TESMIN: variants seen among roughly 807,000 people sequenced by gnomAD.
TESMIN encodes the protein testis expressed metallothionein like protein, also known as CXC domain containing 2.
TESMIN carries 34 observed loss-of-function variants against 47.4 expected under a neutral mutation model. The observed-to-expected ratio is 0.72, with a 90% CI of 0.55 to 0.96. The LOEUF (loss-of-function observed/expected upper bound fraction) is 0.96, where lower values mean the gene tolerates loss of function less well. TESMIN is among the 40% of genes least tolerant of loss of function. The probability of loss-of-function intolerance (pLI) is 0.00; values close to 1 mark genes in which losing one functional copy is unlikely to be tolerated. For missense variants in TESMIN, 610 were observed against 637.2 expected, an observed-to-expected ratio of 0.96 and a Z score of 0.46; for synonymous variants, 278 against 258.9, an observed-to-expected ratio of 1.07 and a Z score of -0.71.
chr11:68,705,751 G>A (rs1271488091), downstream of TESMIN, among the ~76,000 whole-genome samples: 3 of 152,162 alleles, frequency 2.0e-5, no homozygotes, highest in Admixed American at 6.5e-5. Flanking sequence ...GGCTGGGCGC[G>A]GTGGCTCACG....
chr11:68,718,975 G>A (rs556591570), intron 6 of TESMIN, among the ~76,000 whole-genome samples: 43 of 152,362 alleles, frequency 2.8e-4, no homozygotes, highest in Non-Finnish European at 5.0e-4. Flanking sequence ...GAAGCTACTG[G>A]AGAAGGCACT....
chr11:68,725,160 T>C lies in TESMIN; in HGVS notation c.918-9221A>G, dbSNP rs376757296. On this transcript the variant is annotated intron_variant, in intron 6 of 9. Transcript: ENST00000255087. Reference sequence around the variant, plus strand: ...GATTGAGAACCCCAAATCAGACCCATGTGTAATCAAACCCTGAGAGCTGAC... The same window carrying C: ...GATTGAGAACCCCAAATCAGACCCACGTGTAATCAAACCCTGAGAGCTGAC... Among the ~76,000 whole-genome samples, 6 of 152,322 alleles carry C rather than the reference T, an allele frequency of 3.9e-5. No homozygotes were observed. The East Asian group carries it at 9.6e-4, about 24-fold the overall frequency.
At chr11:68,739,324 T>G (rs1037827997) in intron 5 of TESMIN, among the ~76,000 whole-genome samples, 1 of 152,232 alleles carries the variant, frequency 6.6e-6, no homozygotes, top group Non-Finnish European at 1.5e-5. Context: ...TCATCTTTCT[T>G]TATGTTACTC....
chr11:68,751,016 C>G (rs1456103089), intron 1 of TESMIN, among the ~76,000 whole-genome samples: 1 of 45,504 alleles, frequency 2.2e-5, no homozygotes, highest in Non-Finnish European at 4.0e-5. Flanking sequence ...AGGGGAGGGG[C>G]GGCCGGGGAG....
chr11:68,716,046 A>C, intron 6 of TESMIN, 107 bp from the exon 7 acceptor site: 3 of 693,960 alleles, frequency 4.3e-6, no homozygotes, highest in Non-Finnish European at 7.6e-6. Context: ...CTGCAGTCAG[A>C]ACACTGAACA....
At chr11:68,730,221 T>C (rs1296865725) in intron 6 of TESMIN, among the ~76,000 whole-genome samples, 2 of 152,230 alleles carry the variant, frequency 1.3e-5, no homozygotes, top group Non-Finnish European at 2.9e-5. Context: ...TCTACATGCA[T>C]TAGGAAACCA....
At chr11:68,739,350 G>A (rs374920643) in intron 5 of TESMIN, among the ~76,000 whole-genome samples, 2 of 152,222 alleles carry the variant, frequency 1.3e-5, no homozygotes, top group East Asian at 3.9e-4. Flanking sequence ...CATGGCCTGT[G>A]GAGGCTGTTC....
chr11:68,725,930 CA>C (rs1407556202), intron 6 of TESMIN, among the ~76,000 whole-genome samples: 2 of 152,162 alleles, frequency 1.3e-5, no homozygotes, highest in Non-Finnish European at 2.9e-5. Context: ...GGGCAAAATT[CA>C]GAGGGCCAAG....
chr11:68,750,048 G>T, intron 2 of TESMIN, 142 bp downstream of exon 2: 1 of 651,356 alleles, frequency 1.5e-6, no homozygotes, highest in Non-Finnish European at 2.4e-6. Context: ...GCTCTACCGA[G>T]AATCAGTGAC....
chr11:68,732,668 C>G (rs1946342672), intron 6 of TESMIN: 1 of 152,750 alleles, frequency 6.5e-6, no homozygotes. Flanking sequence ...TTTAGCTTCC[C>G]CATCAGTCAT....
At chr11:68,729,578 A>T (rs1946304676) in intron 6 of TESMIN, among the ~76,000 whole-genome samples, 1 of 152,162 alleles carries the variant, frequency 6.6e-6, no homozygotes, top group African/African-American at 2.4e-5. Context: ...GTGGGGTTCA[A>T]GACTTCAGTG....
chr11:68,737,334 G>A (rs1314753094), intron 6 of TESMIN: 31 of 985,430 alleles, frequency 3.1e-5, no homozygotes, highest in Non-Finnish European at 3.6e-5. Flanking sequence ...ACAGCTGAAA[G>A]AGCCACTGCA....
chr11:68,711,084 G>T, intron 8 of TESMIN, 35 bp from the exon 9 acceptor site: 1 of 1,520,468 alleles, frequency 6.6e-7, no homozygotes. Context: ...AAATTAGGTT[G>T]TCTCACAAGT....
chr11:68,721,341 C>T (rs115229964), intron 6 of TESMIN, among the ~76,000 whole-genome samples: 356 of 152,274 alleles, frequency 2.3e-3, no homozygotes, highest in African/African-American at 8.1e-3. Flanking sequence ...TAGCATCCAC[C>T]TTCAATCTAC....
chr11:68,744,366 C>A (rs1309558139), intron 4 of TESMIN, among the ~76,000 whole-genome samples: 1 of 152,208 alleles, frequency 6.6e-6, no homozygotes, highest in Non-Finnish European at 1.5e-5. Flanking sequence ...TTGTTAAACA[C>A]AATCCTAAAA....
chr11:68,706,891 C>T (rs191064897), downstream of TESMIN, among the ~76,000 whole-genome samples: 5 of 152,310 alleles, frequency 3.3e-5, no homozygotes, highest in East Asian at 9.7e-4. Context: ...GGCAGCCCCC[C>T]CAGAGGCAGC....
rs1946018216 is a variant in TESMIN at position 68,708,142 on chromosome 11, A to G, written c.*166T>C. 1 of 637,940 alleles carries G rather than the reference A, an allele frequency of 1.6e-6. No homozygotes were observed. Among genetic ancestry groups the G allele is most frequent in the Non-Finnish European group, 2.7e-6 (1 of 371,226 alleles). 39.5% of individuals were successfully genotyped at this position (637,940 alleles called of 1,614,324 possible). ...CATGCACCTCCTCAGAAAAGGGGGC[A>G]TGGGTTGCCACATCTTCAGAGAGCT... is the stretch of plus-strand genomic sequence containing the variant. On this transcript the variant is annotated 3_prime_UTR_variant, in exon 10 of 10. Transcript: ENST00000255087.
chr11:68,731,801 G>A, intron 6 of TESMIN, among the ~76,000 whole-genome samples: 1 of 152,182 alleles, frequency 6.6e-6, no homozygotes, highest in Non-Finnish European at 1.5e-5. Flanking sequence ...CTGCTTGGGT[G>A]AATTTACCTA....
At position 68,745,042 on chromosome 11, in the gene TESMIN, C is replaced by CT; in HGVS notation, c.699dup (p.Ala234SerfsTer13). ...TGATACTGAGGAACCAAATGGAGTG[C>CT]TTTTAGTTCTCTTGTTCTAGAATTG... On this transcript the variant is annotated frameshift_variant, in exon 4 of 10. Transcript: ENST00000255087. LOFTEE classifies it high-confidence loss of function. 1 of 1,593,214 alleles carries CT rather than the reference C, an allele frequency of 6.3e-7. No individual in the cohort carries two copies. Among genetic ancestry groups the CT allele is most frequent in the East Asian group, 2.3e-5 (1 of 43,932 alleles).
Sources: allele counts gnomAD v4.1 joint callset (sites outside exome capture counted in the v4.1 genomes callset), GRCh38; gene constraint gnomAD v4.1.1; transcripts MANE v1.5; gene names NCBI Gene and HGNC (gene_info 2026-07-23, HGNC 2026-07-21).